IPO11: variants seen among roughly 807,000 people sequenced by gnomAD.
IPO11 encodes the protein importin-11.
A neutral mutation model predicts 143.2 loss-of-function variants in IPO11; 66 were observed. The ratio of observed to expected loss-of-function variants is 0.46; its 90% CI spans 0.38 to 0.57. IPO11 has a LOEUF of 0.57. Among genes scored for constraint, IPO11 ranks in the 20% least tolerant of loss-of-function variants. IPO11 has a pLI of 0.00. For synonymous variants in IPO11, 385 were observed against 377.8 expected (o/e 1.02, Z -0.22); for missense variants, 1,026 against 1,141.0 (o/e 0.90, Z 1.45).
At chr5:62,605,680 C>T (rs749601916) in intron 29 of IPO11, among the ~76,000 whole-genome samples, 3 of 151,124 alleles carry the variant, frequency 2.0e-5, no homozygotes, top group Non-Finnish European at 4.4e-5. Flanking sequence ...CATTTTAATG[C>T]TTTCTCACAA....
chr5:62,552,793 C>A (rs1161994146), intron 26 of IPO11, among the ~76,000 whole-genome samples: 1 of 152,098 alleles, frequency 6.6e-6, no homozygotes, highest in African/African-American at 2.4e-5. Context: ...AATATTTAAT[C>A]ACCAAAGTCA....
chr5:62,610,075 C>T (rs1018207270), intron 29 of IPO11, among the ~76,000 whole-genome samples: 1 of 152,174 alleles, frequency 6.6e-6, no homozygotes, highest in African/African-American at 2.4e-5. Flanking sequence ...TGGCATCCAC[C>T]GGCTGCCTCT....
intron 28 of IPO11, among the ~76,000 whole-genome samples, chr5:62,597,715 A>G (rs1170324644): frequency 6.6e-6 from 1 of 152,218 alleles, no homozygotes; most frequent in Non-Finnish European, 1.5e-5. Flanking sequence ...AATTTAACAC[A>G]GGAGAGGGAG....
chr5:62,574,801 G>T (rs1425229379), intron 27 of IPO11, among the ~76,000 whole-genome samples: 2 of 152,170 alleles, frequency 1.3e-5, no homozygotes, highest in Non-Finnish European at 2.9e-5. Flanking sequence ...AGTTAAAAAT[G>T]TTCTTCTAAA....
At chr5:62,535,846 C>T (rs1189189949) in intron 22 of IPO11, among the ~76,000 whole-genome samples, 1 of 152,072 alleles carries the variant, frequency 6.6e-6, no homozygotes, top group Non-Finnish European at 1.5e-5. Context: ...AAAATACTTG[C>T]AGCAAAGAAT....
At chr5:62,595,679 G>A (rs563678216) in intron 28 of IPO11, among the ~76,000 whole-genome samples, 104 of 152,208 alleles carry the variant, frequency 6.8e-4, no homozygotes, top group African/African-American at 2.4e-3. Flanking sequence ...AATTCTTTTG[G>A]AAGAAAGAAG....
At chr5:62,562,356 C>T (rs1743801004) in intron 27 of IPO11, 1 of 152,550 alleles carries the variant, frequency 6.6e-6, no homozygotes, top group African/African-American at 2.4e-5. Flanking sequence ...CTTCTTGGCA[C>T]CAGGGACCTG....
chr5:62,499,664 C>T (rs1263106284), intron 16 of IPO11, among the ~76,000 whole-genome samples: 1 of 150,816 alleles, frequency 6.6e-6, no homozygotes, highest in Non-Finnish European at 1.5e-5. Context: ...CAAGCTCTGC[C>T]TCCTGTAACT....
At chr5:62,621,288 C>G (rs1198258179) in intron 29 of IPO11, among the ~76,000 whole-genome samples, 1 of 152,174 alleles carries the variant, frequency 6.6e-6, no homozygotes, top group East Asian at 1.9e-4. Context: ...AAGGATTAGG[C>G]TGGCAGACAC....
intron 27 of IPO11, among the ~76,000 whole-genome samples, chr5:62,590,881 A>G (rs757441255): frequency 6.6e-5 from 10 of 151,936 alleles, no homozygotes; most frequent in Non-Finnish European, 1.3e-4. Flanking sequence ...TTCTTTGGTG[A>G]AATGTCTGTT....
chr5:62,450,503 A>G (rs902844696), intron 4 of IPO11, among the ~76,000 whole-genome samples: 1 of 152,218 alleles, frequency 6.6e-6, no homozygotes, highest in Non-Finnish European at 1.5e-5. Context: ...ATATACAACT[A>G]TTACACATTC....
intron 7 of IPO11, among the ~76,000 whole-genome samples, chr5:62,472,640 G>A (rs1320600358): frequency 6.7e-6 from 1 of 149,696 alleles, no homozygotes; most frequent in Non-Finnish European, 1.5e-5. Context: ...CGATTCTCCT[G>A]CCTCAGCCTC....
intron 24 of IPO11, among the ~76,000 whole-genome samples, chr5:62,548,100 C>T (rs775675041): frequency 2.7e-5 from 4 of 150,658 alleles, no homozygotes; most frequent in Non-Finnish European, 4.4e-5. Context: ...TTCCTCTGTG[C>T]CTTCATCCTC....
At chr5:62,591,017 T>C (rs1003621487) in intron 27 of IPO11, among the ~76,000 whole-genome samples, 1 of 152,190 alleles carries the variant, frequency 6.6e-6, no homozygotes, top group Non-Finnish European at 1.5e-5. Context: ...ACTGCAGTCT[T>C]GAACTCCTGG....
At chr5:62,587,198 C>T (rs994473536) in intron 27 of IPO11, among the ~76,000 whole-genome samples, 1 of 151,758 alleles carries the variant, frequency 6.6e-6, no homozygotes, top group Non-Finnish European at 1.5e-5. Flanking sequence ...TGTGTGTGCA[C>T]TCAAAAAATG....
intron 20 of IPO11, among the ~76,000 whole-genome samples, chr5:62,516,629 G>T (rs559060719): frequency 6.6e-6 from 1 of 152,204 alleles, no homozygotes; most frequent in South Asian, 2.1e-4. Context: ...TTTAGTTACA[G>T]ATTCCTGTTT....
At chr5:62,535,645 G>T (rs1454420714) in intron 22 of IPO11, among the ~76,000 whole-genome samples, 2 of 151,888 alleles carry the variant, frequency 1.3e-5, no homozygotes, top group Non-Finnish European at 1.5e-5. Flanking sequence ...TAAAGTTTAG[G>T]AACTAATGCC....
At chr5:62,437,565 G>C in intron 2 of IPO11, 148 bp downstream of exon 2, 3 of 592,430 alleles carry the variant, frequency 5.1e-6, no homozygotes, top group Non-Finnish European at 8.7e-6. Flanking sequence ...ATTACTTTAT[G>C]ACTTCTTAAG....
At chr5:62,574,385 G>T (rs1744245271) in intron 27 of IPO11, among the ~76,000 whole-genome samples, 1 of 152,088 alleles carries the variant, frequency 6.6e-6, no homozygotes, top group Admixed American at 6.5e-5. Flanking sequence ...TGTAATATAA[G>T]CATAAAATAA....
Sources: gnomAD v4.1 joint callset for allele counts (sites outside exome capture counted in the v4.1 genomes callset) on GRCh38, gnomAD v4.1.1 for gene constraint, MANE v1.5 for transcripts, NCBI Gene and HGNC (gene_info 2026-07-23, HGNC 2026-07-21) for gene names.